The following COP1 variants were observed in gnomAD, a reference collection of about 807,000 sequenced individuals.
The protein encoded by COP1 is COP1 E3 ubiquitin ligase.
In COP1, 24 loss-of-function variants were observed where a neutral mutation model predicts 101.3. The ratio of observed to expected loss-of-function variants is 0.24; its 90% CI spans 0.17 to 0.33. COP1 has a LOEUF of 0.33. COP1 is among the 10% of genes least tolerant of loss of function. The pLI is 1.00. For synonymous variants in COP1, 347 were observed against 341.9 expected (o/e 1.01, Z -0.17); for missense variants, 663 against 906.2 (o/e 0.73, Z 3.45).
chr1:176,097,484 T>C (rs2502834), intron 9 of COP1, among the ~76,000 whole-genome samples: 102,317 of 152,052 alleles, frequency 0.67, 36,207 homozygotes, highest in East Asian at 0.92. Flanking sequence ...AAAGATCTTA[T>C]GGCAATTGGG....
chr1:176,139,520 T>C (rs1156666044), intron 6 of COP1, among the ~76,000 whole-genome samples: 1 of 152,160 alleles, frequency 6.6e-6, no homozygotes, highest in Non-Finnish European at 1.5e-5. Flanking sequence ...ATTTGTATGT[T>C]CATCATAGCT....
intron 15 of COP1, among the ~76,000 whole-genome samples, chr1:176,013,577 T>A (rs1172753504): frequency 2.0e-5 from 3 of 152,206 alleles, no homozygotes; most frequent in Non-Finnish European, 2.9e-5. Flanking sequence ...ATTATTTCAT[T>A]ATAATTCTCT....
intron 11 of COP1, among the ~76,000 whole-genome samples, chr1:176,059,663 AGTAGAGACGGG>A (rs1259704611): frequency 6.6e-6 from 1 of 151,990 alleles, no homozygotes; most frequent in African/African-American, 2.4e-5. Flanking sequence ...TTGTATTTTT[AGTAGAGACGGG>A]GTTTCACCAT....
At chr1:176,054,000 T>A (rs1673013362) in intron 11 of COP1, among the ~76,000 whole-genome samples, 1 of 152,136 alleles carries the variant, frequency 6.6e-6, no homozygotes, top group South Asian at 2.1e-4. Flanking sequence ...CATTTTAAAT[T>A]CATGATCACT....
chr1:176,100,197 C>A, intron 9 of COP1: 1 of 185,638 alleles, frequency 5.4e-6, no homozygotes, highest in Admixed American at 5.9e-5. Flanking sequence ...CGAGACCAGC[C>A]TGGCCAACAT....
intron 9 of COP1, among the ~76,000 whole-genome samples, chr1:176,114,547 T>C (rs1685853342): frequency 6.6e-6 from 1 of 151,414 alleles, no homozygotes; most frequent in South Asian, 2.1e-4. Flanking sequence ...TCATTGTTTT[T>C]TGTTTTACTA....
intron 18 of COP1, among the ~76,000 whole-genome samples, chr1:175,984,974 G>A (rs1350675149): frequency 1.3e-5 from 2 of 152,116 alleles, no homozygotes; most frequent in Admixed American, 1.3e-4. Flanking sequence ...TAGGCAGAAG[G>A]GACTTGGCTT....
At chr1:175,976,770 C>T (rs902689962) in intron 18 of COP1, among the ~76,000 whole-genome samples, 3 of 152,148 alleles carry the variant, frequency 2.0e-5, no homozygotes, top group Admixed American at 2.0e-4. Context: ...TACATACATT[C>T]AGTTACATAT....
intron 15 of COP1, among the ~76,000 whole-genome samples, chr1:176,025,530 T>C (rs540072388): frequency 4.8e-5 from 7 of 145,802 alleles, no homozygotes; most frequent in Admixed American, 2.7e-4. Flanking sequence ...TGGTAACATA[T>C]ATAGGAAAAA....
chr1:176,020,592 C>T lies in COP1; in HGVS notation c.1729+6980G>A, dbSNP rs756136411. On this transcript the variant is annotated intron_variant, in intron 15 of 19. Transcript: ENST00000367669. ...GCTCAGGAGGCTGAGGCAGGAGAAT[C>T]GCTCTACCTGTGCGGTGGAGGCTGC... 2.6e-5 allele frequency among the ~76,000 whole-genome samples: 4 copies of T among 152,192 alleles called. No individual in the cohort carries two copies. The South Asian group carries it at 8.3e-4, about 32-fold the overall frequency.
intron 15 of COP1, among the ~76,000 whole-genome samples, chr1:176,005,876 A>C (rs1273711632): frequency 6.6e-6 from 1 of 152,154 alleles, no homozygotes; most frequent in Non-Finnish European, 1.5e-5. Flanking sequence ...CGCTTGGTGC[A>C]GAGCTGAGTT....
In COP1 at chr1:175,976,296, T is replaced by TTTTTTTTA. The variant is rs1553284850; in HGVS notation, c.2133+10646_2133+10647insTAAAAAAA. 6.6e-4 allele frequency among the ~76,000 whole-genome samples: 91 copies of TTTTTTTTA among 137,392 alleles called. 7 individuals carry two copies. The highest frequency in any genetic ancestry group is 1.3e-3 in the Non-Finnish European group (83 of 64,786). 90.1% of individuals were successfully genotyped at this position (137,392 alleles called of 152,430 possible). Reference sequence around the variant, plus strand: ...TTTTTTTTTTTTTTTTTTTTTTTTTTAGACAGAGTCTTGCTCTGTTGCCCA... The same window carrying TTTTTTTTA: ...TTTTTTTTTTTTTTTTTTTTTTTTTTTTTTTTTAAGACAGAGTCTTGCTCTGTTGCCCA... On this transcript the variant is annotated intron_variant, in intron 18 of 19. Transcript: ENST00000367669.
chr1:176,168,647 C>T lies in COP1; in HGVS notation c.566-4756G>A, dbSNP rs183314764. 35 of 240,610 alleles carry T rather than the reference C, an allele frequency of 1.5e-4. No homozygotes were observed. In the East Asian group the frequency reaches 3.4e-3, roughly 23 times the overall value. The allele number at this position is 240,610 out of a possible 1,614,324, so 14.9% of individuals were successfully genotyped here. A position where few individuals can be genotyped will look rare whatever the true frequency, so the allele number is the denominator to read the frequency against. ...ATGGGGAGGGGTGGTAATGGAGGGT[C>T]GGACTTCCAGCCCTTACCTGAATCA... On this transcript the variant is annotated intron_variant, in intron 3 of 19. Transcript: ENST00000367669.
intron 14 of COP1, among the ~76,000 whole-genome samples, chr1:176,030,628 C>T (rs1165923581): frequency 2.6e-5 from 4 of 151,930 alleles, no homozygotes; most frequent in Admixed American, 2.6e-4. Flanking sequence ...TTATAATTTT[C>T]AATATATAAG....
intron 5 of COP1, among the ~76,000 whole-genome samples, chr1:176,153,291 A>T (rs1321791097): frequency 6.6e-6 from 1 of 152,214 alleles, no homozygotes; most frequent in Non-Finnish European, 1.5e-5. Context: ...AATTCTCTGG[A>T]ATAACAAAAT....
chr1:176,155,763 T>TA (rs1302986386), intron 5 of COP1, among the ~76,000 whole-genome samples: 2 of 152,022 alleles, frequency 1.3e-5, no homozygotes, highest in Admixed American at 1.3e-4. Flanking sequence ...TAAAAGCAGT[T>TA]AGAGAGAAAA....
intron 18 of COP1, among the ~76,000 whole-genome samples, chr1:175,970,351 C>A (rs1465191109): frequency 6.6e-6 from 1 of 152,010 alleles, no homozygotes; most frequent in Non-Finnish European, 1.5e-5. Context: ...AACATGAATA[C>A]GAGTTTAGAA....
chr1:176,125,525 G>A (rs976178375), intron 8 of COP1, among the ~76,000 whole-genome samples: 1 of 152,088 alleles, frequency 6.6e-6, no homozygotes, highest in Non-Finnish European at 1.5e-5. Context: ...TGTCAAAAAC[G>A]AGTTCACTGT....
At chr1:176,072,068 T>C (rs946207785) in intron 11 of COP1, among the ~76,000 whole-genome samples, 1 of 152,362 alleles carries the variant, frequency 6.6e-6, no homozygotes, top group African/African-American at 2.4e-5. Context: ...GAATCATGTA[T>C]GTTTTGAATT....
Sources: gnomAD v4.1 joint callset for allele counts (sites outside exome capture counted in the v4.1 genomes callset) on GRCh38, gnomAD v4.1.1 for gene constraint, MANE v1.5 for transcripts, NCBI Gene and HGNC (gene_info 2026-07-23, HGNC 2026-07-21) for gene names.